CFAP47: variants seen among roughly 807,000 people sequenced by gnomAD.
CFAP47 encodes the protein cilia- and flagella-associated protein 47.
A neutral mutation model predicts 148.1 loss-of-function variants in CFAP47; 29 were observed. The observed-to-expected ratio is 0.20, with a 90% CI of 0.15 to 0.27. The LOEUF is 0.27. Ranked by LOEUF, CFAP47 falls within the 10% of genes least tolerant of loss-of-function variation. CFAP47 has a pLI of 1.00. For missense variants in CFAP47, 1,872 were observed against 1,697.5 expected (o/e 1.10, Z -1.81); for synonymous variants, 664 against 577.3 (o/e 1.15, Z -2.15).
At chrX:36,038,202 C>T (rs1013761850) in intron 24 of CFAP47, among the ~76,000 whole-genome samples, 1 of 112,150 alleles carries the variant, frequency 8.9e-6, no homozygotes, top group Admixed American at 9.5e-5. Flanking sequence ...TCATTTTCTG[C>T]TCTGAAGATA....
chrX:35,975,060 G>T, intron 13 of CFAP47, 87 bp from the exon 14 acceptor site: 1 of 527,647 alleles, frequency 1.9e-6, no homozygotes, highest in Non-Finnish European at 2.9e-6. Context: ...CAAATTGGTT[G>T]ATCAAAATAT....
rs111727234 is a variant in CFAP47 at position 36,176,004 on chromosome X, G to A, written c.6027-3341G>A. Among the ~76,000 whole-genome samples the A allele has an allele frequency of 6.9e-3, 777 of 112,222 alleles. 14 individuals carry two copies. Among genetic ancestry groups the A allele is most frequent in the African/African-American group, 0.024 (732 of 30,897 alleles). ...CAGGTGCGGGATATAATCTCCTGGCGCGCCCTTTTTTAAGCCCATCGGAAA... is the reference window on the plus strand; with the variant it reads ...CAGGTGCGGGATATAATCTCCTGGCACGCCCTTTTTTAAGCCCATCGGAAA... On this transcript the variant is annotated intron_variant, in intron 39 of 63. Transcript: ENST00000378653.
chrX:36,371,495 G>T (rs1308095059), intron 62 of CFAP47, among the ~76,000 whole-genome samples: 1 of 105,523 alleles, frequency 9.5e-6, no homozygotes, highest in African/African-American at 3.4e-5. Context: ...AGGGCTGGGT[G>T]TGTGTATATA....
At chrX:36,075,311 T>C (rs1024893690) in intron 29 of CFAP47, among the ~76,000 whole-genome samples, 3 of 110,028 alleles carry the variant, frequency 2.7e-5, no homozygotes, top group Admixed American at 2.0e-4. Flanking sequence ...AACTGCAACC[T>C]CCGCTTCCCG....
intron 38 of CFAP47, among the ~76,000 whole-genome samples, chrX:36,160,270 C>T (rs1939413919): frequency 9.0e-6 from 1 of 111,213 alleles, no homozygotes; most frequent in Non-Finnish European, 1.9e-5. Flanking sequence ...AATCTTATTT[C>T]CTCCTGAATA....
intron 57 of CFAP47, among the ~76,000 whole-genome samples, chrX:36,328,004 C>G (rs1941531956): frequency 9.0e-6 from 1 of 111,544 alleles, no homozygotes; most frequent in Non-Finnish European, 1.9e-5. Flanking sequence ...GTACTATGCT[C>G]ACTACGTGCA....
At chrX:36,031,518 A>T (rs189297558) in intron 23 of CFAP47, among the ~76,000 whole-genome samples, 171 bp downstream of exon 23, 137 of 110,646 alleles carry the variant, frequency 1.2e-3, no homozygotes, top group African/African-American at 4.0e-3. Context: ...TAGAAAACTT[A>T]CAGATAAAAT....
Position 35,991,866 on chromosome X carries a change from A to G in CFAP47, c.2890A>G (p.Ser964Gly), listed in dbSNP as rs1936793547. The G allele has an allele frequency of 4.7e-5, 14 of 296,728 alleles. No homozygotes were observed. Among genetic ancestry groups the G allele is most frequent in the Middle Eastern group, 8.9e-4 (1 of 1,129 alleles). The allele number at this position is 296,728 out of a possible 1,213,427, so 24.5% of individuals were successfully genotyped here. A position where few individuals can be genotyped will look rare whatever the true frequency, so the allele number is the denominator to read the frequency against. ...ACTTTTGCAGCCAAGGATACTCTTT[A>G]GTAATTGCCCTCAAGGTTTAACAAC... Reference protein sequence around the residue: ...VLLLQPRILFSNCPQGLTTWR... With the variant: ...VLLLQPRILFGNCPQGLTTWR... Residue 964 changes from serine to glycine, a missense_variant, in exon 17 of 64, where the codon AGT becomes GGT. Transcript: ENST00000378653.
chrX:36,170,447 C>A (rs1259594553), intron 39 of CFAP47, among the ~76,000 whole-genome samples: 1 of 109,877 alleles, frequency 9.1e-6, no homozygotes, highest in African/African-American at 3.4e-5. Context: ...TCCCTCCCTC[C>A]TCCCCCGACC....
chrX:36,349,336 T>A (rs1941723732), intron 58 of CFAP47, among the ~76,000 whole-genome samples: 1 of 111,459 alleles, frequency 9.0e-6, no homozygotes, highest in Non-Finnish European at 1.9e-5. Context: ...TGATCTTAAC[T>A]TACTGCAACG....
At chrX:36,313,440 G>A (rs1422433875) in intron 56 of CFAP47, among the ~76,000 whole-genome samples, 5 of 110,508 alleles carry the variant, frequency 4.5e-5, no homozygotes, top group Non-Finnish European at 3.8e-5. Flanking sequence ...AGGATAAACC[G>A]CCCCATAATC....
At chrX:36,320,032 G>T (rs1347217398) in intron 57 of CFAP47, among the ~76,000 whole-genome samples, 1 of 110,853 alleles carries the variant, frequency 9.0e-6, no homozygotes, top group Non-Finnish European at 1.9e-5. Flanking sequence ...CACCATATTG[G>T]TCAGGCTAGT....
At chrX:36,069,166 A>G (rs1937699397) in intron 27 of CFAP47, among the ~76,000 whole-genome samples, 1 of 110,567 alleles carries the variant, frequency 9.0e-6, no homozygotes, top group African/African-American at 3.3e-5. Flanking sequence ...CTTCAAATTT[A>G]CCATCTTTTA....
chrX:36,171,248 G>A (rs1602025076), intron 39 of CFAP47, among the ~76,000 whole-genome samples: 1 of 107,355 alleles, frequency 9.3e-6, no homozygotes, highest in African/African-American at 3.4e-5. Context: ...TTTGTAGGTT[G>A]CCTGTTCACT....
chrX:36,005,849 A>G (rs1044027573), intron 21 of CFAP47, among the ~76,000 whole-genome samples: 1 of 111,454 alleles, frequency 9.0e-6, no homozygotes, highest in African/African-American at 3.2e-5. Flanking sequence ...AAATTAAGGT[A>G]TGTCATTCAC....
At chrX:35,925,920 G>A (rs1935732488) in intron 1 of CFAP47, 97 bp from the exon 2 acceptor site, 1 of 699,896 alleles carries the variant, frequency 1.4e-6, no homozygotes, top group South Asian at 3.6e-5. Context: ...CTCCCAAAGT[G>A]CTGGGATTAC....
intron 21 of CFAP47, among the ~76,000 whole-genome samples, chrX:36,003,951 G>A (rs73468943): frequency 6.9e-4 from 70 of 100,933 alleles, no homozygotes; most frequent in African/African-American, 2.5e-3. Context: ...CAAATCACTA[G>A]CATTTCTTTC....
At chrX:36,151,825 T>C (rs1272878777) in intron 37 of CFAP47, among the ~76,000 whole-genome samples, 1 of 112,103 alleles carries the variant, frequency 8.9e-6, no homozygotes, top group East Asian at 2.8e-4. Context: ...CACCAAAAAC[T>C]AGGCAGCTTA....
intron 22 of CFAP47, among the ~76,000 whole-genome samples, chrX:36,030,576 A>G (rs1310767509): frequency 1.8e-5 from 2 of 111,027 alleles, no homozygotes; most frequent in Non-Finnish European, 3.8e-5. Context: ...TTCCAGTGGC[A>G]TAATAAAAAC....
Sources: allele counts gnomAD v4.1 joint callset (sites outside exome capture counted in the v4.1 genomes callset), GRCh38; gene constraint gnomAD v4.1.1; transcripts MANE v1.5; gene names NCBI Gene and HGNC (gene_info 2026-07-23, HGNC 2026-07-21).